MITF: variants seen among roughly 807,000 people sequenced by gnomAD.
MITF encodes microphthalmia-associated transcription factor.
Under a neutral mutation model 60.5 loss-of-function variants are expected in MITF, and 17 were observed. The ratio of observed to expected loss-of-function variants is 0.28; its 90% confidence interval spans 0.19 to 0.42. The LOEUF (loss-of-function observed/expected upper bound fraction) is 0.42, where lower values mean the gene tolerates loss of function less well. MITF is among the 10% of genes least tolerant of loss of function. The pLI is 1.00. For missense variants in MITF, 622 were observed against 683.5 expected (o/e 0.91, Z 1.00); for synonymous variants, 260 against 248.5 (o/e 1.05, Z -0.43).
At chr3:69,921,153 T>G (rs571225514) in intron 2 of MITF, among the ~76,000 whole-genome samples, 1 of 152,358 alleles carries the variant, frequency 6.6e-6, no homozygotes, top group African/African-American at 2.4e-5. Context: ...ATTACAGGCG[T>G]GAGCCACTGC....
intron 1 of MITF, among the ~76,000 whole-genome samples, chr3:69,742,725 C>T (rs1703573928): frequency 6.6e-6 from 1 of 152,170 alleles, no homozygotes; most frequent in Admixed American, 6.5e-5. Flanking sequence ...AAAGTATTAG[C>T]ATGGTGCCTG....
chr3:69,942,998 A>G (rs1222477800), intron 5 of MITF, among the ~76,000 whole-genome samples: 3 of 151,044 alleles, frequency 2.0e-5, no homozygotes, highest in Non-Finnish European at 4.4e-5. Context: ...CTGTAAAATC[A>G]TTGACTTTTT....
intron 2 of MITF, among the ~76,000 whole-genome samples, chr3:69,896,541 T>G (rs978590570): frequency 6.6e-6 from 1 of 152,236 alleles, no homozygotes; most frequent in East Asian, 1.9e-4. Context: ...TTTAACCAGC[T>G]GATGCTGAAT....
chr3:69,902,584 A>G (rs2107354997), intron 2 of MITF, among the ~76,000 whole-genome samples: 1 of 152,340 alleles, frequency 6.6e-6, no homozygotes, highest in African/African-American at 2.4e-5. Context: ...CTCATAGGTT[A>G]TTCTGGTATA....
intron 1 of MITF, among the ~76,000 whole-genome samples, chr3:69,820,393 C>G (rs2063249968): frequency 6.6e-6 from 1 of 152,058 alleles, no homozygotes; most frequent in Admixed American, 6.5e-5. Context: ...GATATGGAAT[C>G]CAAACCTTGG....
chr3:69,926,241 A>G (rs955837917), intron 2 of MITF, among the ~76,000 whole-genome samples: 2 of 152,200 alleles, frequency 1.3e-5, no homozygotes, highest in Non-Finnish European at 2.9e-5. Flanking sequence ...TCCCAAGCCA[A>G]TGCAGTTTCT....
At chr3:69,774,229 T>A (rs777042906) in intron 1 of MITF, among the ~76,000 whole-genome samples, 18 of 152,224 alleles carry the variant, frequency 1.2e-4, no homozygotes, top group Non-Finnish European at 2.4e-4. Context: ...TCTACAGCCC[T>A]GAGCAATTTG....
At chr3:69,848,671 A>T (rs76686909) in intron 1 of MITF, among the ~76,000 whole-genome samples, 1 of 152,304 alleles carries the variant, frequency 6.6e-6, no homozygotes, top group East Asian at 1.9e-4. Flanking sequence ...GCAAAAATTT[A>T]TGTTTTCAGA....
intron 1 of MITF, among the ~76,000 whole-genome samples, chr3:69,878,569 A>C (rs2064407641): frequency 6.6e-6 from 1 of 152,184 alleles, no homozygotes; most frequent in Non-Finnish European, 1.5e-5. Flanking sequence ...GTTCAGTGTT[A>C]ACATTCTGGC....
At position 69,739,523 on chromosome 3, in the gene MITF, A is replaced by T. The variant is rs1703445761; in HGVS notation, c.-75A>T. On this transcript the variant is annotated 5_prime_UTR_variant, in exon 1 of 10. Coordinates refer to ENST00000352241, the MANE Select transcript of MITF (RefSeq NM_001354604.2). ...CCGGGGCGCACGGCTCGGGGGACCC[A>T]GGCCCAGCTACCTTCCCTCCGCCCC... The T allele has an allele frequency of 1.5e-6, 2 of 1,359,058 alleles. No individual in the cohort carries two copies. Among genetic ancestry groups the T allele is most frequent in the Admixed American group, 2.0e-5 (1 of 50,636 alleles). 84.2% of individuals were successfully genotyped at this position (1,359,058 alleles called of 1,614,324 possible). A position where few individuals can be genotyped will look rare whatever the true frequency, so the allele number is the denominator to read the frequency against.
chr3:69,889,035 T>G (rs965370346), intron 2 of MITF, among the ~76,000 whole-genome samples: 10 of 145,564 alleles, frequency 6.9e-5, no homozygotes, highest in Non-Finnish European at 1.1e-4. Flanking sequence ...GTTTTTTTTT[T>G]TTTTTTTTTT....
intron 1 of MITF, among the ~76,000 whole-genome samples, chr3:69,745,692 G>A (rs2106751867): frequency 6.6e-6 from 1 of 152,192 alleles, no homozygotes; most frequent in African/African-American, 2.4e-5. Context: ...TGGCAGAGAG[G>A]CTGCATGCAT....
At chr3:69,788,325 C>T (rs1041224398) in intron 1 of MITF, among the ~76,000 whole-genome samples, 11 of 142,324 alleles carry the variant, frequency 7.7e-5, no homozygotes, top group Non-Finnish European at 1.7e-4. Context: ...GTGATGTTCC[C>T]CTTCCTGTGT....
At chr3:69,925,305 A>G (rs1559724127) in intron 2 of MITF, among the ~76,000 whole-genome samples, 1 of 152,088 alleles carries the variant, frequency 6.6e-6, no homozygotes, top group Admixed American at 6.5e-5. Flanking sequence ...TTCCATTCAG[A>G]TGTTTAACAA....
chr3:69,810,748 A>G (rs192035429), intron 1 of MITF, among the ~76,000 whole-genome samples: 2 of 152,306 alleles, frequency 1.3e-5, no homozygotes, highest in Admixed American at 1.3e-4. Flanking sequence ...TTCATTTGAC[A>G]GATATTTACG....
At chr3:69,821,692 A>AAAC (rs2063276272) in intron 1 of MITF, among the ~76,000 whole-genome samples, 1 of 142,006 alleles carries the variant, frequency 7.0e-6, no homozygotes. Context: ...AAAAAAACTA[A>AAAC]AAAAAAAAAA....
At chr3:69,759,510 G>C (rs1328305604) in intron 1 of MITF, among the ~76,000 whole-genome samples, 1 of 152,198 alleles carries the variant, frequency 6.6e-6, no homozygotes, top group East Asian at 1.9e-4. Context: ...GCTGTTCTGT[G>C]CACGTGATTG....
intron 1 of MITF, among the ~76,000 whole-genome samples, chr3:69,800,179 A>G (rs1288993122): frequency 6.6e-6 from 1 of 152,116 alleles, no homozygotes; most frequent in Non-Finnish European, 1.5e-5. Context: ...CCTACTGGAC[A>G]TTTCATATAA....
chr3:69,893,811 T>C (rs1423744989), intron 2 of MITF, among the ~76,000 whole-genome samples: 1 of 152,214 alleles, frequency 6.6e-6, no homozygotes, highest in African/African-American at 2.4e-5. Flanking sequence ...CTAACAGTAA[T>C]TTTTGGGGGA....
Sources: allele counts gnomAD v4.1 joint callset (sites outside exome capture counted in the v4.1 genomes callset), GRCh38; gene constraint gnomAD v4.1.1; transcripts MANE v1.5; gene names NCBI Gene and HGNC (gene_info 2026-07-23, HGNC 2026-07-21).